TXNRD1: variants seen among roughly 807,000 people sequenced by gnomAD.
The protein encoded by TXNRD1 is thioredoxin reductase 1, also known as thioredoxin reductase 1, cytoplasmic.
TXNRD1 carries 57 observed loss-of-function variants against 80.3 expected under a neutral mutation model. That is an observed-to-expected ratio of 0.71 (90% CI 0.57 to 0.89). TXNRD1 has a LOEUF of 0.89. Ranked by LOEUF, TXNRD1 falls within the 40% of genes least tolerant of loss-of-function variation. The pLI, the probability that TXNRD1 is intolerant of heterozygous loss-of-function variation, is 0.00. For missense variants in TXNRD1, 730 were observed against 803.0 expected, an observed-to-expected ratio of 0.91 and a Z score of 1.10; for synonymous variants, 291 against 285.2, an observed-to-expected ratio of 1.02 and a Z score of -0.20.
At chr12:104,299,767 CAAAA>C (rs35918319) in intron 4 of TXNRD1, among the ~76,000 whole-genome samples, 11 of 104,832 alleles carry the variant, frequency 1.0e-4, no homozygotes, top group Admixed American at 5.3e-4. Context: ...GACTCCGTCT[CAAAA>C]AAAAAAAAAA....
intron 3 of TXNRD1, among the ~76,000 whole-genome samples, chr12:104,279,439 T>C (rs922067095): frequency 3.3e-5 from 5 of 152,160 alleles, no homozygotes; most frequent in African/African-American, 1.2e-4. Flanking sequence ...GGGAGGACAG[T>C]AATTACAGGG....
At chr12:104,237,712 C>T (rs2032768198) in intron 1 of TXNRD1, among the ~76,000 whole-genome samples, 1 of 152,052 alleles carries the variant, frequency 6.6e-6, no homozygotes, top group African/African-American at 2.4e-5. Flanking sequence ...AATTGATTGG[C>T]TTAAAGAAAA....
chr12:104,281,409 TTTTTTTTTTC>T (rs1485387198), intron 3 of TXNRD1, among the ~76,000 whole-genome samples: 1 of 82,464 alleles, frequency 1.2e-5, no homozygotes, highest in Non-Finnish European at 2.5e-5. Context: ...CTTTTTTTTT[TTTTTTTTTTC>T]TTTTTGAGAT....
intron 2 of TXNRD1, among the ~76,000 whole-genome samples, chr12:104,253,223 G>A (rs954030958): frequency 5.3e-5 from 8 of 152,116 alleles, no homozygotes; most frequent in Admixed American, 1.3e-4. Context: ...TAAAGAAAAA[G>A]GAAGGTGGGC....
intron 1 of TXNRD1, among the ~76,000 whole-genome samples, chr12:104,250,376 G>A (rs1450601359): frequency 6.6e-6 from 1 of 151,938 alleles, no homozygotes; most frequent in Non-Finnish European, 1.5e-5. Flanking sequence ...AAAAGTATAA[G>A]CAAAAAAGAA....
chr12:104,249,182 G>A (rs2033058559), intron 1 of TXNRD1, among the ~76,000 whole-genome samples: 1 of 152,176 alleles, frequency 6.6e-6, no homozygotes, highest in Non-Finnish European at 1.5e-5. Flanking sequence ...GTCTGGTGAG[G>A]GCCCACTTCC....
intron 3 of TXNRD1, 125 bp from the exon 4 acceptor site, chr12:104,288,806 G>T (rs758781669): frequency 6.3e-7 from 1 of 1,594,450 alleles, no homozygotes; most frequent in Non-Finnish European, 8.5e-7. Flanking sequence ...TAACTTGCAA[G>T]GGAGTCAACA....
rs945958862 is a variant in TXNRD1, at chr12:104,334,088, C to T, written c.1651-149C>T. ...CAGCAAGGAGTTGAAAGTCATTTAC[C>T]TTTTGACCAGATTCCTATTTATTCC... On this transcript the variant is annotated intron_variant, in intron 14 of 16. Transcript: ENST00000525566. 5 of 400,038 alleles carry T rather than the reference C, an allele frequency of 1.2e-5. No homozygotes were observed. The South Asian group carries it at 4.0e-4, about 32-fold the overall frequency. The allele number at this position is 400,038 out of a possible 1,614,324, so 24.8% of individuals were successfully genotyped here. A position where few individuals can be genotyped will look rare whatever the true frequency, so the allele number is the denominator to read the frequency against.
rs562237391 is a variant in TXNRD1 at position 104,319,595 on chromosome 12, A to G, written c.989+10A>G. Reference sequence around the variant, plus strand: ...AATACTGCATCAGCAGGTAAAGGAAAAAAGCAGGGTGGAAAAGAAAAACCC... The same window carrying G: ...AATACTGCATCAGCAGGTAAAGGAAGAAAGCAGGGTGGAAAAGAAAAACCC... On this transcript the variant is annotated intron_variant, in intron 9 of 16. Coordinates refer to ENST00000525566, the MANE Select transcript of TXNRD1 (RefSeq NM_001093771.3). 8 of 1,568,498 alleles carry G rather than the reference A, an allele frequency of 5.1e-6. No individual in the cohort carries two copies. The Admixed American group carries it at 5.6e-5, about 11-fold the overall frequency.
rs35757351 is a variant in TXNRD1 at position 104,332,080 on chromosome 12, A to G, written c.1650+439A>G. 7.2e-5 allele frequency among the ~76,000 whole-genome samples: 11 copies of G among 152,316 alleles called. No individual in the cohort carries two copies. In the East Asian group the frequency reaches 2.1e-3, roughly 29 times the overall value. ...TTATTGATTTCTCTGGGTTAATTAT[A>G]GGAAAATGAAAAGAAAAAATAAAAA... On this transcript the variant is annotated intron_variant, in intron 14 of 16. Transcript: ENST00000525566.
At chr12:104,225,421 G>T (rs1593680794) in intron 1 of TXNRD1, among the ~76,000 whole-genome samples, 1 of 152,290 alleles carries the variant, frequency 6.6e-6, no homozygotes, top group South Asian at 2.1e-4. Flanking sequence ...TGAAACCTTG[G>T]TGATATGGTT....
At chr12:104,222,257 C>G (rs1317935427) in intron 1 of TXNRD1, among the ~76,000 whole-genome samples, 1 of 152,010 alleles carries the variant, frequency 6.6e-6, no homozygotes, top group Non-Finnish European at 1.5e-5. Flanking sequence ...ATAGAAGTGG[C>G]TGGGACAGAA....
intron 13 of TXNRD1, 135 bp downstream of exon 13, chr12:104,327,806 T>C (rs1565907041): frequency 1.2e-6 from 1 of 867,360 alleles, no homozygotes; most frequent in Non-Finnish European, 1.7e-6. Flanking sequence ...AGATGTCCTT[T>C]ATTAGTTGTA....
At chr12:104,233,623 G>A (rs1334534871) in intron 1 of TXNRD1, among the ~76,000 whole-genome samples, 1 of 152,210 alleles carries the variant, frequency 6.6e-6, no homozygotes, top group African/African-American at 2.4e-5. Flanking sequence ...CCAGGATCAA[G>A]TGATTCTCCT....
intron 11 of TXNRD1, 83 bp downstream of exon 11, chr12:104,325,512 C>T (rs2035727188): frequency 1.0e-6 from 1 of 962,520 alleles, no homozygotes; most frequent in East Asian, 2.6e-5. Context: ...TAAAATGGCT[C>T]TTAGTGATTT....
chr12:104,325,871 C>CA (rs34788892), intron 11 of TXNRD1, among the ~76,000 whole-genome samples: 12 of 130,018 alleles, frequency 9.2e-5, no homozygotes, highest in Admixed American at 2.3e-4. Flanking sequence ...GACTCCATCT[C>CA]AAAAAAAAAA....
chr12:104,304,757 C>T (rs936981999), intron 4 of TXNRD1: 1 of 1,613,894 alleles, frequency 6.2e-7, no homozygotes, highest in Non-Finnish European at 8.5e-7. Flanking sequence ...AAGAATAAGG[C>T]TTGATGAAGA....
chr12:104,267,007 A>C (rs1049386373), intron 3 of TXNRD1, among the ~76,000 whole-genome samples: 1 of 150,794 alleles, frequency 6.6e-6, no homozygotes, highest in South Asian at 2.1e-4. Flanking sequence ...AAAAAATAAA[A>C]ATACAACAAA....
chr12:104,319,079 GC>G (rs751275738), intron 8 of TXNRD1, 24 bp downstream of exon 8: 1 of 1,567,026 alleles, frequency 6.4e-7, no homozygotes, highest in East Asian at 2.3e-5. Flanking sequence ...ATCCTGACTA[GC>G]TTTTTTTTTT....
Sources: allele counts gnomAD v4.1 joint callset (sites outside exome capture counted in the v4.1 genomes callset), GRCh38; gene constraint gnomAD v4.1.1; transcripts MANE v1.5; gene names NCBI Gene and HGNC (gene_info 2026-07-23, HGNC 2026-07-21).